Variants in FN3K observed in about 807,000 individuals in gnomAD.
FN3K encodes the protein fructosamine-3-kinase.
FN3K carries 24 observed loss-of-function variants against 24.8 expected under a neutral mutation model. That is an observed-to-expected ratio of 0.97 (90% confidence interval 0.70 to 1.36). The LOEUF is 1.36. FN3K is among the 40% of genes most tolerant of loss of function. FN3K has a pLI of 0.00. For synonymous variants in FN3K, 192 were observed against 175.2 expected (o/e 1.10, Z -0.76); for missense variants, 449 against 416.7 (o/e 1.08, Z -0.67).
chr17:82,746,972 C>T (rs2046972240), intron 4 of FN3K, among the ~76,000 whole-genome samples: 1 of 151,638 alleles, frequency 6.6e-6, no homozygotes, highest in South Asian at 2.1e-4. Context: ...CTACAGGCAC[C>T]TGCCACCACG....
chr17:82,738,407 C>A, intron 1 of FN3K, 82 bp from the exon 2 acceptor site: 2 of 1,577,140 alleles, frequency 1.3e-6, no homozygotes, highest in South Asian at 1.1e-5. Flanking sequence ...GTGACTCCCA[C>A]GTGGTAGCTT....
Position 82,741,329 on chromosome 17 carries a change from C to T in FN3K, c.404C>T (p.Ala135Val), listed in dbSNP as rs1340100574. 2 of 1,613,882 alleles carry T rather than the reference C, an allele frequency of 1.2e-6. No homozygotes were observed. The highest frequency in any genetic ancestry group is 1.7e-6 in the Non-Finnish European group (2 of 1,179,894). Residue 135 changes from alanine to valine, a missense_variant, in exon 4 of 6, where the codon GCT becomes GTT. Ala to Val is a moderately conservative substitution (Grantham distance 64, BLOSUM62 0). Transcript: ENST00000300784. ...ENTVGRRGEG[A>V]EPQYVDKFGF... ...TCAACAGGCCGAAGAGGTGAGGGTG[C>T]TGAGCCTCAGTATGTGGACAAGTTC... is the stretch of plus-strand genomic sequence containing the variant.
chr17:82,741,084 T>A (rs2046938585), intron 3 of FN3K: 1 of 661,892 alleles, frequency 1.5e-6, no homozygotes, highest in Admixed American at 2.2e-5. Flanking sequence ...TCTGGTGTGC[T>A]TGAGGTAATA....
intron 4 of FN3K, among the ~76,000 whole-genome samples, chr17:82,748,183 T>A (rs908775588): frequency 1.3e-5 from 2 of 151,762 alleles, no homozygotes; most frequent in East Asian, 1.9e-4. Context: ...AGTTTCACTC[T>A]TGTTGCCCAG....
intron 2 of FN3K, among the ~76,000 whole-genome samples, chr17:82,739,030 T>C (rs2253122): frequency 0.67 from 97,763 of 145,470 alleles, 33,240 homozygotes; most frequent in African/African-American, 0.76. Flanking sequence ...TCACTGCAAC[T>C]TCTGCCCCCA....
At chr17:82,747,810 T>C (rs1390746780) in intron 4 of FN3K, among the ~76,000 whole-genome samples, 2 of 152,236 alleles carry the variant, frequency 1.3e-5, no homozygotes, top group Non-Finnish European at 2.9e-5. Context: ...CCTCTTCTTA[T>C]AGGCCACTAA....
At chr17:82,738,166 C>G in intron 1 of FN3K, 1 of 327,002 alleles carries the variant, frequency 3.1e-6, no homozygotes, top group Non-Finnish European at 5.9e-6. Context: ...GGGTCCAGCT[C>G]TGGACCTTGG....
rs1345104160 is a variant in FN3K, at chr17:82,750,490, A to T, written c.665A>T (p.Asn222Ile). ...CTCCACGGGGATCTCTGGTCGGGAA[A>T]CGTGGCTGAGGACGACGTGGGGCCC... is the stretch of plus-strand genomic sequence containing the variant. The part of the protein sequence containing the change: ...ALLHGDLWSG[N>I]VAEDDVGPII... The change falls in exon 6 of 6, where the codon AAC becomes ATC. Residue 222 changes from asparagine (N) to isoleucine (I), a missense_variant. Coordinates refer to ENST00000300784, the MANE Select transcript of FN3K (RefSeq NM_022158.4). 6.8e-6 allele frequency: 11 copies of T among 1,613,994 alleles called. No homozygotes were observed. The highest frequency in any genetic ancestry group is 9.3e-6 in the Non-Finnish European group (11 of 1,180,012).
chr17:82,736,637 C>T (rs1173309298), intron 1 of FN3K, among the ~76,000 whole-genome samples: 1 of 152,214 alleles, frequency 6.6e-6, no homozygotes, highest in Admixed American at 6.5e-5. Context: ...GGGTGCCCTC[C>T]CGGCCCGAGT....
chr17:82,740,601 AG>A (rs2046935896), intron 2 of FN3K, among the ~76,000 whole-genome samples, 161 bp from the exon 3 acceptor site: 1 of 152,302 alleles, frequency 6.6e-6, no homozygotes, highest in Non-Finnish European at 1.5e-5. Context: ...CAGAAAAGAA[AG>A]AAAAAGCAAA....
chr17:82,750,051 C>A (rs1295662772), intron 5 of FN3K, among the ~76,000 whole-genome samples: 1 of 152,144 alleles, frequency 6.6e-6, no homozygotes, highest in Non-Finnish European at 1.5e-5. Context: ...GAGCAAGATT[C>A]CCTCTCAAAG....
chr17:82,749,825 G>T (rs1446503978), intron 5 of FN3K: 3 of 164,244 alleles, frequency 1.8e-5, no homozygotes, highest in African/African-American at 4.8e-5. Flanking sequence ...GGAGGCCGAG[G>T]TGGATAGATT....
chr17:82,738,932 A>ACGTG (rs1213003800), intron 2 of FN3K, among the ~76,000 whole-genome samples: 1 of 94,420 alleles, frequency 1.1e-5, no homozygotes, highest in Admixed American at 1.0e-4. Flanking sequence ...ACACATATAT[A>ACGTG]TATATATATA....
intron 4 of FN3K, among the ~76,000 whole-genome samples, chr17:82,746,728 G>A (rs946744777): frequency 3.3e-5 from 5 of 152,108 alleles, no homozygotes; most frequent in African/African-American, 4.8e-5. Context: ...GCTTGAACCC[G>A]GGAGGCAGGG....
chr17:82,750,148 C>T (rs2248894), intron 5 of FN3K, among the ~76,000 whole-genome samples: 97,736 of 152,046 alleles, frequency 0.64, 31,470 homozygotes, highest in South Asian at 0.71. Flanking sequence ...TAGCGCAACA[C>T]TGGTTCCTAT....
rs2046939199 is a variant in FN3K, at chr17:82,741,193, TC to T, written c.386-116del. On this transcript the variant is annotated intron_variant, in intron 3 of 5. Transcript: ENST00000300784. ...ACTAATTGCTACTGTATGTAGTACA[TC>T]CTCAGACCACCTATATTCTAGCATG... 6 of 885,200 alleles carry T rather than the reference TC, an allele frequency of 6.8e-6. No homozygotes were observed. The South Asian group carries it at 8.5e-5, about 13-fold the overall frequency. The allele number at this position is 885,200 out of a possible 1,614,324, so 54.8% of individuals were successfully genotyped here.
intron 5 of FN3K, chr17:82,749,280 T>G (rs1280780750): frequency 2.2e-6 from 1 of 458,308 alleles, no homozygotes; most frequent in African/African-American, 2.0e-5. Context: ...ATGATTACTG[T>G]TCTTACTATC....
intron 1 of FN3K, among the ~76,000 whole-genome samples, chr17:82,736,714 G>A (rs1236246910): frequency 6.6e-6 from 1 of 152,214 alleles, no homozygotes; most frequent in Non-Finnish European, 1.5e-5. Flanking sequence ...TCCTGGTGGG[G>A]AGTGCTGGCA....
At chr17:82,739,384 G>C (rs1405316615) in intron 2 of FN3K, among the ~76,000 whole-genome samples, 1 of 151,856 alleles carries the variant, frequency 6.6e-6, no homozygotes, top group Non-Finnish European at 1.5e-5. Flanking sequence ...CGCCTCCTGG[G>C]TTCAAGCAAT....
Sources: allele counts gnomAD v4.1 joint callset (sites outside exome capture counted in the v4.1 genomes callset), GRCh38; gene constraint gnomAD v4.1.1; transcripts MANE v1.5; gene names NCBI Gene and HGNC (gene_info 2026-07-23, HGNC 2026-07-21).